The following MED13L variants were observed in gnomAD, a reference collection of about 807,000 sequenced individuals.
MED13L encodes the protein mediator complex subunit 13L.
A neutral mutation model predicts 220.9 loss-of-function variants in MED13L; 7 were observed. The ratio of observed to expected loss-of-function variants is 0.03; its 90% CI spans 0.02 to 0.06. MED13L has a LOEUF of 0.06. Ranked by LOEUF, MED13L falls within the 10% of genes least tolerant of loss-of-function variation. The pLI is 1.00. For missense variants in MED13L, 1,965 were observed against 2,760.5 expected, an observed-to-expected ratio of 0.71 and a Z score of 6.46; for synonymous variants, 1,011 against 1,015.2, an observed-to-expected ratio of 1.00 and a Z score of 0.08.
At chr12:116,031,759 A>AGAAAAGAAAAGAAAGAAGGAAGGAAG (rs1592967502) in intron 4 of MED13L, among the ~76,000 whole-genome samples, 4 of 40,952 alleles carry the variant, frequency 9.8e-5, no homozygotes, top group East Asian at 7.8e-4. Context: ...AGAAAAGAAA[A>AGAAAAGAAAAGAAAGAAGGAAGGAAG]GAAGGAAGGA....
At chr12:116,173,153 C>G (rs893163737) in intron 2 of MED13L, among the ~76,000 whole-genome samples, 1 of 148,628 alleles carries the variant, frequency 6.7e-6, no homozygotes, top group Non-Finnish European at 1.5e-5. Flanking sequence ...TATCATCAAT[C>G]TAAAAAAACT....
intron 2 of MED13L, among the ~76,000 whole-genome samples, chr12:116,149,835 C>T (rs953726172): frequency 6.6e-6 from 1 of 152,130 alleles, no homozygotes; most frequent in African/African-American, 2.4e-5. Context: ...CCCTATAGTG[C>T]CTGCAGCTTA....
At chr12:116,268,872 G>C (rs999635824) in intron 1 of MED13L, among the ~76,000 whole-genome samples, 19 of 152,192 alleles carry the variant, frequency 1.2e-4, no homozygotes, top group African/African-American at 4.6e-4. Context: ...TACAAATTAA[G>C]AATTATTAAG....
chr12:116,086,283 C>CA (rs1871676737), intron 4 of MED13L, among the ~76,000 whole-genome samples: 2 of 109,516 alleles, frequency 1.8e-5, no homozygotes, highest in East Asian at 5.9e-4. Context: ...CACGATAATT[C>CA]TTTTTTTTTT....
chr12:115,960,756 T>G lies in MED13L; in HGVS notation c.*510A>C. 5.1e-6 allele frequency: 1 copy of G among 194,300 alleles called. No individual in the cohort carries two copies. Among genetic ancestry groups the G allele is most frequent in the Non-Finnish European group, 1.1e-5 (1 of 92,198 alleles). The allele number at this position is 194,300 out of a possible 1,614,324, so 12.0% of individuals were successfully genotyped here. On this transcript the variant is annotated 3_prime_UTR_variant, in exon 31 of 31. Coordinates refer to ENST00000281928, the MANE Select transcript of MED13L (RefSeq NM_015335.5). ...CTCATGCTAATCTGGATGGGAACACTAGGGAGACAGAAACCCCAGTATGAA... is the reference window on the plus strand; with the variant it reads ...CTCATGCTAATCTGGATGGGAACACGAGGGAGACAGAAACCCCAGTATGAA...
At chr12:116,053,703 T>TC (rs1259045174) in intron 4 of MED13L, among the ~76,000 whole-genome samples, 2 of 152,072 alleles carry the variant, frequency 1.3e-5, no homozygotes, top group African/African-American at 4.8e-5. Flanking sequence ...AGTCATACTT[T>TC]AGATCTGACT....
chr12:116,133,136 G>A (rs1876227307), intron 2 of MED13L, among the ~76,000 whole-genome samples: 1 of 152,144 alleles, frequency 6.6e-6, no homozygotes, highest in Non-Finnish European at 1.5e-5. Flanking sequence ...ATGAGTGAAT[G>A]GGCACAATTA....
chr12:116,162,295 T>C (rs552972900), intron 2 of MED13L, among the ~76,000 whole-genome samples: 20 of 152,310 alleles, frequency 1.3e-4, no homozygotes, highest in Non-Finnish European at 2.2e-4. Flanking sequence ...CAAAACCCAA[T>C]AGTCTGCCAT....
chr12:116,083,416 A>C (rs1261702768), intron 4 of MED13L, among the ~76,000 whole-genome samples: 1 of 151,036 alleles, frequency 6.6e-6, no homozygotes, highest in Non-Finnish European at 1.5e-5. Flanking sequence ...AAAAAAAAAA[A>C]AAAAAAAAAA....
chr12:116,031,725 G>GAA (rs1566020619), intron 4 of MED13L, among the ~76,000 whole-genome samples: 1 of 66,970 alleles, frequency 1.5e-5, no homozygotes, highest in African/African-American at 7.6e-5. Flanking sequence ...GAAAAGAAAA[G>GAA]AAAAGAAAAG....
chr12:116,148,082 G>A (rs1291479419), intron 2 of MED13L, among the ~76,000 whole-genome samples: 1 of 103,756 alleles, frequency 9.6e-6, no homozygotes, highest in Non-Finnish European at 2.1e-5. Context: ...AAAGAGGGGG[G>A]CGGGAGTGGA....
rs1389599141 is a variant in MED13L, at chr12:115,965,979, C to T, written c.6387+103G>A. 1.9e-5 allele frequency: 26 copies of T among 1,383,112 alleles called. No homozygotes were observed. In the South Asian group the frequency reaches 2.8e-4, roughly 15 times the overall value. 85.7% of individuals were successfully genotyped at this position (1,383,112 alleles called of 1,614,324 possible). A position where few individuals can be genotyped will look rare whatever the true frequency, so the allele number is the denominator to read the frequency against. On this transcript the variant is annotated intron_variant, in intron 29 of 30. Transcript: ENST00000281928. ...AAGTAGATACAAGAGAAAAAAGGAA[C>T]AGAATAAGATTATGGTGACTAAAAC... is the stretch of plus-strand genomic sequence containing the variant.
At chr12:116,183,878 G>A (rs11067935) in intron 2 of MED13L, among the ~76,000 whole-genome samples, 10,048 of 150,464 alleles carry the variant, frequency 0.067, 1,056 homozygotes, top group East Asian at 0.39. Context: ...TGTATATATA[G>A]ATAGTGGCTT....
intron 4 of MED13L, among the ~76,000 whole-genome samples, chr12:116,035,689 C>A (rs1226299497): frequency 6.6e-6 from 1 of 152,036 alleles, no homozygotes; most frequent in Non-Finnish European, 1.5e-5. Flanking sequence ...CTCCCAAGAT[C>A]CAGCGATTCT....
intron 2 of MED13L, among the ~76,000 whole-genome samples, chr12:116,139,163 C>T (rs904937306): frequency 6.6e-6 from 1 of 151,982 alleles, no homozygotes; most frequent in Non-Finnish European, 1.5e-5. Context: ...GCAAAGACCC[C>T]CTGAGTCAAG....
chr12:116,209,680 C>T (rs1016825796), intron 2 of MED13L, among the ~76,000 whole-genome samples: 1 of 152,108 alleles, frequency 6.6e-6, no homozygotes, highest in African/African-American at 2.4e-5. Context: ...AGGGAGTGGT[C>T]AGATAACTAT....
chr12:116,215,514 T>A (rs536056458), intron 2 of MED13L, among the ~76,000 whole-genome samples: 46 of 152,128 alleles, frequency 3.0e-4, no homozygotes, highest in Non-Finnish European at 5.0e-4. Flanking sequence ...CAATTCAATA[T>A]CTCCTATTGT....
At chr12:116,206,878 CTTTT>C (rs538576057) in intron 2 of MED13L, among the ~76,000 whole-genome samples, 1 of 151,918 alleles carries the variant, frequency 6.6e-6, no homozygotes, top group Non-Finnish European at 1.5e-5. Context: ...AAATGATTAA[CTTTT>C]TTTTATATAT....
intron 5 of MED13L, 151 bp from the exon 6 acceptor site, chr12:116,020,123 A>C: frequency 1.3e-6 from 1 of 777,770 alleles, no homozygotes. Context: ...GATTTAAAAG[A>C]AATTTTTTTA....
Sources: allele counts gnomAD v4.1 joint callset (sites outside exome capture counted in the v4.1 genomes callset), GRCh38; gene constraint gnomAD v4.1.1; transcripts MANE v1.5; gene names NCBI Gene and HGNC (gene_info 2026-07-23, HGNC 2026-07-21).